Variants in OCA2 observed in about 807,000 individuals in gnomAD.
The protein encoded by OCA2 is OCA2 melanosomal transmembrane protein.
A neutral mutation model predicts 100.2 loss-of-function variants in OCA2; 77 were observed. The observed-to-expected ratio is 0.77, with a 90% CI of 0.64 to 0.93. The LOEUF (loss-of-function observed/expected upper bound fraction) is 0.93. Ranked by LOEUF, OCA2 falls within the 40% of genes least tolerant of loss-of-function variation. The probability of loss-of-function intolerance (pLI) is 0.00; values close to 1 mark genes in which losing one functional copy is unlikely to be tolerated. For synonymous variants in OCA2, 432 were observed against 439.2 expected (o/e 0.98, Z 0.21); for missense variants, 1,062 against 1,089.1 (o/e 0.98, Z 0.35).
chr15:27,769,803 G>C (rs2031570134), intron 23 of OCA2, among the ~76,000 whole-genome samples: 1 of 150,380 alleles, frequency 6.6e-6, no homozygotes, highest in Non-Finnish European at 1.5e-5. Context: ...AAGCCGCCCG[G>C]GCACGGAGGC....
At chr15:28,078,329 G>A (rs2044500443) in intron 2 of OCA2, among the ~76,000 whole-genome samples, 1 of 152,162 alleles carries the variant, frequency 6.6e-6, no homozygotes, top group African/African-American at 2.4e-5. Context: ...TGATGCCTGA[G>A]TGGCTCCCAG....
intron 23 of OCA2, among the ~76,000 whole-genome samples, chr15:27,819,969 C>T (rs774707470): frequency 8.5e-5 from 13 of 152,050 alleles, no homozygotes; most frequent in Non-Finnish European, 1.0e-4. Context: ...GAAGGGCTCA[C>T]GGAAAGAAAA....
In OCA2 at chr15:28,010,164, T is replaced by A. The variant is rs577322984; in HGVS notation, c.1044+4612A>T. On this transcript the variant is annotated intron_variant, in intron 9 of 23. Transcript: ENST00000354638. Reference sequence around the variant, plus strand: ...AAACTCAACACCCAATTATGGTTTTTAAAAAAAAAGAGAGAGAGAGAAGAA... The same window carrying A: ...AAACTCAACACCCAATTATGGTTTTAAAAAAAAAAGAGAGAGAGAGAAGAA... 4.9e-3 allele frequency among the ~76,000 whole-genome samples: 738 copies of A among 150,734 alleles called. 2 individuals are homozygous for A. Among genetic ancestry groups the A allele is most frequent in the South Asian group, 7.4e-3 (35 of 4,760 alleles).
At chr15:27,964,259 C>A (rs1267020124) in intron 15 of OCA2, among the ~76,000 whole-genome samples, 1 of 152,124 alleles carries the variant, frequency 6.6e-6, no homozygotes, top group Non-Finnish European at 1.5e-5. Context: ...ACAAAAAAGA[C>A]ATTACAAGAA....
At chr15:27,740,880 C>T in the OCA2 span, among the ~76,000 whole-genome samples, 1 of 152,234 alleles carries the variant, frequency 6.6e-6, no homozygotes, top group Non-Finnish European at 1.5e-5. Flanking sequence ...AGTCTCCAGC[C>T]TCCTGAAATG....
chr15:27,763,804 A>G (rs1438933781), intron 23 of OCA2, among the ~76,000 whole-genome samples: 3 of 152,216 alleles, frequency 2.0e-5, no homozygotes, highest in Non-Finnish European at 4.4e-5. Context: ...GGCCTGGCCA[A>G]ATGTAGGTGA....
intron 23 of OCA2, among the ~76,000 whole-genome samples, chr15:27,833,362 A>G (rs1487180202): frequency 6.6e-6 from 1 of 152,128 alleles, no homozygotes; most frequent in Non-Finnish European, 1.5e-5. Flanking sequence ...GCTGCACTCC[A>G]TTGTTTATGT....
chr15:27,965,441 A>G (rs1392355698), intron 15 of OCA2, among the ~76,000 whole-genome samples: 1 of 152,192 alleles, frequency 6.6e-6, no homozygotes, highest in Non-Finnish European at 1.5e-5. Context: ...GAGGAATGCA[A>G]AACAATGTTT....
chr15:28,038,526 T>A (rs2043111391), intron 2 of OCA2, among the ~76,000 whole-genome samples: 1 of 151,394 alleles, frequency 6.6e-6, no homozygotes, highest in African/African-American at 2.4e-5. Context: ...ACAGGGAGAG[T>A]ACAGATTCAC....
At chr15:27,772,122 G>A (rs950524141) in intron 23 of OCA2, among the ~76,000 whole-genome samples, 1 of 152,234 alleles carries the variant, frequency 6.6e-6, no homozygotes, top group Non-Finnish European at 1.5e-5. Context: ...GCCAAGCCCT[G>A]GAATGGGAGG....
intron 19 of OCA2, among the ~76,000 whole-genome samples, chr15:27,885,829 T>C (rs2037201028): frequency 6.6e-6 from 1 of 152,204 alleles, no homozygotes; most frequent in African/African-American, 2.4e-5. Context: ...AGACACACAT[T>C]TGCTGATCTC....
At chr15:27,810,675 G>T (rs2034040228) in intron 23 of OCA2, among the ~76,000 whole-genome samples, 1 of 151,916 alleles carries the variant, frequency 6.6e-6, no homozygotes, top group Non-Finnish European at 1.5e-5. Context: ...AAATCTGCAA[G>T]AAAAAAACAA....
At chr15:27,889,466 G>A (rs978784336) in intron 19 of OCA2, among the ~76,000 whole-genome samples, 3 of 152,148 alleles carry the variant, frequency 2.0e-5, no homozygotes, top group African/African-American at 7.2e-5. Context: ...ATGCCAAAAG[G>A]TATGTCTAAG....
At chr15:27,990,494 A>G in intron 10 of OCA2, 82 bp downstream of exon 10, 2 of 1,387,290 alleles carry the variant, frequency 1.4e-6, no homozygotes, top group Non-Finnish European at 2.1e-6. Flanking sequence ...TGAAAAAACC[A>G]GCGAAAGCCT....
chr15:27,741,188 G>A, the OCA2 span, among the ~76,000 whole-genome samples: 1 of 152,118 alleles, frequency 6.6e-6, no homozygotes, highest in Non-Finnish European at 1.5e-5. Context: ...TTCACCAACT[G>A]GACACTTCAA....
intron 2 of OCA2, among the ~76,000 whole-genome samples, chr15:28,052,792 A>G (rs1566843342): frequency 6.6e-6 from 1 of 152,210 alleles, no homozygotes; most frequent in African/African-American, 2.4e-5. Flanking sequence ...GCAATTCTGT[A>G]TTTTATCAGA....
intron 3 of OCA2, among the ~76,000 whole-genome samples, chr15:28,030,147 C>T (rs1003286470): frequency 2.6e-5 from 4 of 152,166 alleles, no homozygotes; most frequent in Admixed American, 2.0e-4. Context: ...TTCAGTTATC[C>T]ACCAGTACAG....
chr15:27,863,289 T>C lies in OCA2; in HGVS notation c.2244+7865A>G, dbSNP rs1266220021. On this transcript the variant is annotated intron_variant, in intron 21 of 23. Coordinates refer to ENST00000354638, the MANE Select transcript of OCA2 (RefSeq NM_000275.3). ...CAGCAGTTCCGGGCGGATCCCCTGG[T>C]AAAGGTGTACAAGTGCCTCAGGTAA... Among the ~76,000 whole-genome samples the C allele has an allele frequency of 5.9e-5, 9 of 152,038 alleles. No homozygotes were observed. The South Asian group carries it at 1.9e-3, about 31-fold the overall frequency.
intron 19 of OCA2, among the ~76,000 whole-genome samples, chr15:27,892,354 C>A (rs76739070): frequency 6.6e-6 from 1 of 151,880 alleles, no homozygotes; most frequent in Non-Finnish European, 1.5e-5. Context: ...TAAACTCATA[C>A]AGAGTATGTT....
Sources: allele counts gnomAD v4.1 joint callset (sites outside exome capture counted in the v4.1 genomes callset), GRCh38; gene constraint gnomAD v4.1.1; transcripts MANE v1.5; gene names NCBI Gene and HGNC (gene_info 2026-07-23, HGNC 2026-07-21).